The following AREL1 variants were observed in gnomAD, a reference collection of about 807,000 sequenced individuals.
The protein encoded by AREL1 is apoptosis resistant E3 ubiquitin protein ligase 1, also known as apoptosis-resistant E3 ubiquitin protein ligase 1.
A neutral mutation model predicts 99.0 loss-of-function variants in AREL1; 62 were observed. That is an observed-to-expected ratio of 0.63 (90% CI 0.51 to 0.77). The LOEUF (loss-of-function observed/expected upper bound fraction) is 0.77. Ranked by LOEUF, AREL1 falls within the 30% of genes least tolerant of loss-of-function variation. The probability of loss-of-function intolerance (pLI) is 0.00; values close to 1 mark genes in which losing one functional copy is unlikely to be tolerated. For synonymous variants in AREL1, 380 were observed against 376.5 expected, an observed-to-expected ratio of 1.01 and a Z score of -0.11; for missense variants, 879 against 1,027.6, an observed-to-expected ratio of 0.86 and a Z score of 1.98.
In AREL1 at chr14:74,671,488, AAAG is replaced by A. The variant is rs748248260; in HGVS notation, c.1423-8_1423-6del. On this transcript the variant is annotated splice_region_variant and splice_polypyrimidine_tract_variant and intron_variant, in intron 11 of 19. Transcript: ENST00000356357. ...ATTCCGAGTGGCTTTCAGAGACTGAAAAGAAGTGAAAGGAAGGGAATTGTCAGA... is the reference window on the plus strand; with the variant it reads ...ATTCCGAGTGGCTTTCAGAGACTGAAAAGTGAAAGGAAGGGAATTGTCAGA... 61 of 1,584,102 alleles carry A rather than the reference AAAG, an allele frequency of 3.9e-5. No individual in the cohort carries two copies. The South Asian group carries it at 6.3e-4, about 16-fold the overall frequency.
At chr14:74,674,847 G>C (rs2089435728) in intron 8 of AREL1, among the ~76,000 whole-genome samples, 1 of 152,122 alleles carries the variant, frequency 6.6e-6, no homozygotes, top group Admixed American at 6.5e-5. Context: ...ATACCTATTT[G>C]AATGGTGCCA....
chr14:74,672,059 G>C, intron 11 of AREL1: 1 of 449,470 alleles, frequency 2.2e-6, no homozygotes, highest in Non-Finnish European at 4.5e-6. Flanking sequence ...CTGTGCAGTG[G>C]AGACAGACAC....
chr14:74,683,891 G>T (rs531780440), intron 4 of AREL1, among the ~76,000 whole-genome samples: 27 of 152,302 alleles, frequency 1.8e-4, no homozygotes, highest in Non-Finnish European at 3.4e-4. Context: ...TTAAAGGTAA[G>T]TTAGCCGGCA....
rs199642728 is a variant in AREL1, at chr14:74,676,598, G to C, written c.636C>G (p.Thr212=). Residue 212 remains threonine, a synonymous_variant, in exon 6 of 20, where the codon ACC becomes ACG. Transcript: ENST00000356357. ...SMSLRDEHNY[T]LSIHELGPQE... is the part of the protein sequence containing the mutation. ...GACTGCTTACCTCATGAATGGACAA[G>C]GTGTAATTGTGCTCATCTCTCAAGG... is the stretch of plus-strand genomic sequence containing the variant. 66 of 1,613,190 alleles carry C rather than the reference G, an allele frequency of 4.1e-5. No homozygotes were observed. In the African/African-American group the frequency reaches 7.9e-4, roughly 19 times the overall value.
At chr14:74,711,062 T>C (rs528731016) in intron 1 of AREL1, among the ~76,000 whole-genome samples, 1 of 147,190 alleles carries the variant, frequency 6.8e-6, no homozygotes, top group Admixed American at 6.8e-5. Flanking sequence ...AGAAACCCCG[T>C]CTCTACTAAA....
intron 15 of AREL1, among the ~76,000 whole-genome samples, chr14:74,668,841 C>T (rs958373877): frequency 1.3e-5 from 2 of 152,144 alleles, no homozygotes; most frequent in African/African-American, 4.8e-5. Context: ...GCACATGCAT[C>T]GGAAATATCT....
chr14:74,684,790 G>A (rs1027482947), intron 3 of AREL1, 110 bp from the exon 4 acceptor site: 3 of 932,986 alleles, frequency 3.2e-6, no homozygotes, highest in African/African-American at 1.6e-5. Context: ...GGATGAGACT[G>A]TAAGACTGCC....
At chr14:74,683,554 A>G in intron 4 of AREL1, 21 bp from the exon 5 acceptor site, 1 of 1,608,758 alleles carries the variant, frequency 6.2e-7, no homozygotes, top group Non-Finnish European at 8.5e-7. Context: ...GAGAAGAAGG[A>G]CACCTGTTAG....
Position 74,663,548 on chromosome 14 carries a change from G to A in AREL1, c.*172C>T, listed in dbSNP as rs879186996. On this transcript the variant is annotated 3_prime_UTR_variant, in exon 20 of 20. Coordinates refer to ENST00000356357, the MANE Select transcript of AREL1 (RefSeq NM_001039479.2). ...GGCCTGTGGTAGATATGGGCAGGGA[G>A]CAGGTGAGGTAAAGACAAGGCTTGT... 3.8e-5 allele frequency: 26 copies of A among 683,396 alleles called. No individual in the cohort carries two copies. In the South Asian group the frequency reaches 3.8e-4, roughly 10 times the overall value. The allele number at this position is 683,396 out of a possible 1,614,324, so 42.3% of individuals were successfully genotyped here.
chr14:74,708,604 A>G (rs1247495419), intron 1 of AREL1, among the ~76,000 whole-genome samples: 1 of 152,244 alleles, frequency 6.6e-6, no homozygotes, highest in Admixed American at 6.5e-5. Flanking sequence ...TATGTTGTAT[A>G]TTAATAAATT....
intron 1 of AREL1, among the ~76,000 whole-genome samples, chr14:74,706,626 G>A (rs78267589): frequency 0.033 from 4,960 of 152,126 alleles, 118 homozygotes; most frequent in Middle Eastern, 0.095. Flanking sequence ...CCAAAGAAAG[G>A]TCTATTAATT....
chr14:74,664,263 G>A (rs2089156829), intron 18 of AREL1, among the ~76,000 whole-genome samples, 189 bp from the exon 19 acceptor site: 1 of 152,180 alleles, frequency 6.6e-6, no homozygotes, highest in Middle Eastern at 3.2e-3. Context: ...GGTAGTCACT[G>A]ACTGTTGGTT....
intron 1 of AREL1, among the ~76,000 whole-genome samples, chr14:74,699,536 G>C (rs1031976233): frequency 1.3e-5 from 2 of 152,142 alleles, no homozygotes; most frequent in African/African-American, 4.8e-5. Flanking sequence ...TTGGGTAAAT[G>C]TTATAATTAT....
intron 2 of AREL1, among the ~76,000 whole-genome samples, chr14:74,690,681 T>G (rs946857098): frequency 6.6e-6 from 1 of 152,262 alleles, no homozygotes; most frequent in Non-Finnish European, 1.5e-5. Context: ...GAGGCTCTAC[T>G]GTACTATTTC....
In AREL1 at chr14:74,663,807, G is replaced by A. The variant is rs2089141517; in HGVS notation, c.2385C>T (p.Cys795=). The change falls in exon 20 of 20, where the codon TGC becomes TGT. Residue 795 remains cysteine, a synonymous_variant. Transcript: ENST00000356357. ...PTAHTCFNQL[C]LPTYDSYEEV... is the part of the protein sequence containing the mutation. ...CTTCATAGGAGTCATATGTAGGGAGGCACAGCTGGTTAAAACTGGAAGGGC... is the reference window on the plus strand; with the variant it reads ...CTTCATAGGAGTCATATGTAGGGAGACACAGCTGGTTAAAACTGGAAGGGC... 1.1e-5 allele frequency: 17 copies of A among 1,614,158 alleles called. No homozygotes were observed. Among genetic ancestry groups the A allele is most frequent in the Non-Finnish European group, 1.4e-5 (17 of 1,180,022 alleles).
chr14:74,676,846 G>A (rs2089492361), intron 5 of AREL1, 94 bp from the exon 6 acceptor site: 10 of 1,041,418 alleles, frequency 9.6e-6, no homozygotes, highest in Non-Finnish European at 1.3e-5. Flanking sequence ...GCCCAGGCTG[G>A]AGTGCAGTGG....
At chr14:74,693,147 G>A (rs546580723) in intron 1 of AREL1, among the ~76,000 whole-genome samples, 25 of 152,022 alleles carry the variant, frequency 1.6e-4, no homozygotes, top group South Asian at 4.2e-4. Context: ...ACCAGGTTAC[G>A]GACAGCCTTA....
intron 1 of AREL1, chr14:74,712,073 AAAAAGAAAGAAAG>A (rs2090318585): frequency 3.6e-5 from 4 of 111,154 alleles, no homozygotes; most frequent in Non-Finnish European, 6.3e-5. Flanking sequence ...AAAAAGAAAA[AAAAAGAAAGAAAG>A]AAAGAAAGAA....
rs2089898669 is a variant in AREL1 at position 74,692,284 on chromosome 14, C to T, written c.-289G>A. 2.2e-6 allele frequency: 1 copy of T among 456,436 alleles called. No homozygotes were observed. The highest frequency in any genetic ancestry group is 2.4e-5 in the Admixed American group (1 of 42,494). 28.3% of individuals were successfully genotyped at this position (456,436 alleles called of 1,614,324 possible). ...AAGAATATATCATTCCTGGACTTCT[C>T]TCTAGTGCAGGGTGCAATCGACTGC... On this transcript the variant is annotated 5_prime_UTR_variant, in exon 2 of 20. Transcript: ENST00000356357.
Sources: allele counts gnomAD v4.1 joint callset (sites outside exome capture counted in the v4.1 genomes callset), GRCh38; gene constraint gnomAD v4.1.1; transcripts MANE v1.5; gene names NCBI Gene and HGNC (gene_info 2026-07-23, HGNC 2026-07-21).